The following NSUN6 variants were observed in gnomAD, a reference collection of about 807,000 sequenced individuals.
NSUN6 encodes the protein NOP2/Sun RNA methyltransferase 6, also known as tRNA (cytosine(72)-C(5))-methyltransferase NSUN6.
Under a neutral mutation model 58.0 loss-of-function variants are expected in NSUN6, and 64 were observed. That is an observed-to-expected ratio of 1.10 (90% CI 0.90 to 1.36). The LOEUF (loss-of-function observed/expected upper bound fraction) is 1.36. Among genes scored for constraint, NSUN6 ranks in the 40% most tolerant of loss-of-function variants. The pLI is 0.00. For missense variants in NSUN6, 701 were observed against 550.1 expected (o/e 1.27, Z -2.74); for synonymous variants, 231 against 193.9 (o/e 1.19, Z -1.59).
At chr10:18,554,513 C>T (rs1289241309) in intron 8 of NSUN6, among the ~76,000 whole-genome samples, 1 of 145,184 alleles carries the variant, frequency 6.9e-6, no homozygotes, top group Non-Finnish European at 1.5e-5. Flanking sequence ...TGGAATCAAT[C>T]GGAACGTGGA....
chr10:18,551,795 T>C (rs373922727), intron 9 of NSUN6, 28 bp downstream of exon 9: 1 of 1,598,176 alleles, frequency 6.3e-7, no homozygotes, highest in Non-Finnish European at 8.6e-7. Context: ...AAGTTAACTT[T>C]GTTTCACAAA....
chr10:18,647,692 T>A (rs1461615235), intron 2 of NSUN6, among the ~76,000 whole-genome samples: 1 of 151,480 alleles, frequency 6.6e-6, no homozygotes, highest in Non-Finnish European at 1.5e-5. Flanking sequence ...CTTAATTTCC[T>A]GGTTTTATAA....
chr10:18,645,638 A>G (rs2059525266), intron 2 of NSUN6, among the ~76,000 whole-genome samples: 1 of 152,178 alleles, frequency 6.6e-6, no homozygotes, highest in Non-Finnish European at 1.5e-5. Context: ...GAGCTGATGT[A>G]TATTTGGAGT....
chr10:18,615,415 G>C (rs564804383), intron 4 of NSUN6, among the ~76,000 whole-genome samples: 25 of 152,240 alleles, frequency 1.6e-4, no homozygotes, highest in African/African-American at 5.5e-4. Flanking sequence ...ATGTAGATCA[G>C]ATGTCAACAC....
intron 8 of NSUN6, among the ~76,000 whole-genome samples, chr10:18,553,232 G>T (rs957318684): frequency 6.8e-6 from 1 of 147,462 alleles, no homozygotes; most frequent in African/African-American, 2.5e-5. Context: ...TGCTCCATTC[G>T]ATTCCATTTC....
intron 6 of NSUN6, 128 bp downstream of exon 6, chr10:18,609,717 C>A: frequency 1.9e-6 from 1 of 513,376 alleles, no homozygotes. Context: ...ACTGCTTAAC[C>A]AAAGGTAGAT....
Position 18,645,343 on chromosome 10 carries a change from G to T in NSUN6, c.232-2788C>A, listed in dbSNP as rs137897174. Among the ~76,000 whole-genome samples the T allele has an allele frequency of 2.3e-3, 343 of 151,972 alleles. 5 individuals carry two copies. Among genetic ancestry groups the T allele is most frequent in the Non-Finnish European group, 8.4e-4 (57 of 67,976 alleles). Reference sequence around the variant, plus strand: ...CCTGCACAAAATTATATAAAATATTGTATAAAATTACCTTCAGGCTATGTA... The same window carrying T: ...CCTGCACAAAATTATATAAAATATTTTATAAAATTACCTTCAGGCTATGTA... On this transcript the variant is annotated intron_variant, in intron 2 of 10. Coordinates refer to ENST00000377304, the MANE Select transcript of NSUN6 (RefSeq NM_182543.5).
chr10:18,554,190 T>C (rs1164013438), intron 8 of NSUN6, among the ~76,000 whole-genome samples: 1 of 147,730 alleles, frequency 6.8e-6, no homozygotes, highest in Non-Finnish European at 1.5e-5. Context: ...TGGAATGGAA[T>C]GGGGAATGGA....
chr10:18,599,465 C>T (rs576222814), intron 6 of NSUN6, among the ~76,000 whole-genome samples: 20 of 152,180 alleles, frequency 1.3e-4, no homozygotes, highest in Non-Finnish European at 2.1e-4. Flanking sequence ...GTATAATCAC[C>T]GGGTAAGCTT....
chr10:18,609,847 G>T lies in NSUN6; in HGVS notation c.655C>A (p.Gln219Lys), dbSNP rs768078963. The stretch of plus-strand genomic sequence containing the variant: ...ATTTTACTTTTATACATACTTACTT[G>T]TAAAAATAAGTAACGGGGCAGTACA... ...DSVLPRYLFLQNLPSALVSHV... is the reference protein window; with the variant it reads ...DSVLPRYLFLKNLPSALVSHV... The change falls in exon 6 of 11, where the codon CAA (glutamine) becomes AAA (lysine). Residue 219 changes from glutamine to lysine, a missense_variant and splice_region_variant. Gln to Lys is a moderately conservative substitution (Grantham distance 53, BLOSUM62 1). Transcript: ENST00000377304. 3 of 1,507,764 alleles carry T rather than the reference G, an allele frequency of 2.0e-6. No individual in the cohort carries two copies. Among genetic ancestry groups the T allele is most frequent in the Non-Finnish European group, 2.8e-6 (3 of 1,083,948 alleles). The allele number at this position is 1,507,764 out of a possible 1,614,324, so 93.4% of individuals were successfully genotyped here. A position where few individuals can be genotyped will look rare whatever the true frequency, so the allele number is the denominator to read the frequency against.
At chr10:18,587,998 C>T (rs529148786) in intron 7 of NSUN6, among the ~76,000 whole-genome samples, 10 of 152,254 alleles carry the variant, frequency 6.6e-5, no homozygotes, top group East Asian at 1.9e-4. Flanking sequence ...CCCACTGTCA[C>T]GGAGCCCAGC....
intron 2 of NSUN6, among the ~76,000 whole-genome samples, chr10:18,648,043 A>G (rs781716657): frequency 6.6e-6 from 1 of 152,016 alleles, no homozygotes; most frequent in Non-Finnish European, 1.5e-5. Context: ...CTGGCCCAAC[A>G]TCTATTTTTT....
At chr10:18,589,746 C>T (rs1405787765) in intron 7 of NSUN6, among the ~76,000 whole-genome samples, 3 of 152,156 alleles carry the variant, frequency 2.0e-5, no homozygotes, top group African/African-American at 7.2e-5. Context: ...CTTACAAGAG[C>T]TCCTAAAGGA....
chr10:18,547,949 A>G (rs2054383080), intron 10 of NSUN6, among the ~76,000 whole-genome samples, 163 bp downstream of exon 10: 1 of 152,220 alleles, frequency 6.6e-6, no homozygotes, highest in Admixed American at 6.5e-5. Context: ...GGACATGCAA[A>G]TTATGGGCAG....
At chr10:18,583,677 C>T (rs2057001717) in intron 8 of NSUN6, among the ~76,000 whole-genome samples, 1 of 151,810 alleles carries the variant, frequency 6.6e-6, no homozygotes, top group South Asian at 2.1e-4. Flanking sequence ...TAGAGAATAT[C>T]AATAGAGGGA....
rs567854558 is a variant in NSUN6, at chr10:18,577,965, C to T, written c.922+7984G>A. 6.7e-4 allele frequency among the ~76,000 whole-genome samples: 102 copies of T among 152,344 alleles called. No homozygotes were observed. The South Asian group carries it at 0.013, about 19-fold the overall frequency. On this transcript the variant is annotated intron_variant, in intron 8 of 10. Coordinates refer to ENST00000377304, the MANE Select transcript of NSUN6 (RefSeq NM_182543.5). ...GCGTAAGGGATAAGAACCCCTTCCCCTCCCTTGTCCAAGTGTGAGCTTACC... is the reference window on the plus strand; with the variant it reads ...GCGTAAGGGATAAGAACCCCTTCCCTTCCCTTGTCCAAGTGTGAGCTTACC...
At chr10:18,577,679 A>T (rs1206473189) in intron 8 of NSUN6, among the ~76,000 whole-genome samples, 1 of 152,220 alleles carries the variant, frequency 6.6e-6, no homozygotes, top group African/African-American at 2.4e-5. Flanking sequence ...ATTTCTCTTC[A>T]AAGAATCAAT....
chr10:18,621,956 C>T (rs2058621524), intron 3 of NSUN6, among the ~76,000 whole-genome samples: 1 of 152,060 alleles, frequency 6.6e-6, no homozygotes, highest in Non-Finnish European at 1.5e-5. Flanking sequence ...TTTATTTAAT[C>T]AGTAGTCCTT....
intron 3 of NSUN6, among the ~76,000 whole-genome samples, chr10:18,628,590 G>C (rs536445154): frequency 2.4e-4 from 36 of 152,126 alleles, no homozygotes; most frequent in Non-Finnish European, 5.0e-4. Flanking sequence ...ACCAAGGCTC[G>C]AGAACTACGT....
Sources: gnomAD v4.1 joint callset for allele counts (sites outside exome capture counted in the v4.1 genomes callset) on GRCh38, gnomAD v4.1.1 for gene constraint, MANE v1.5 for transcripts, NCBI Gene and HGNC (gene_info 2026-07-23, HGNC 2026-07-21) for gene names.